LRRK1: variants seen among roughly 807,000 people sequenced by gnomAD.
The protein encoded by LRRK1 is leucine rich repeat kinase 1.
LRRK1 carries 113 observed loss-of-function variants against 209.1 expected under a neutral mutation model. The observed-to-expected ratio is 0.54, with a 90% CI of 0.46 to 0.63. The LOEUF (loss-of-function observed/expected upper bound fraction) is 0.63. Among genes scored for constraint, LRRK1 ranks in the 30% least tolerant of loss-of-function variants. The pLI, the probability that LRRK1 is intolerant of heterozygous loss-of-function variation, is 0.00. For synonymous variants in LRRK1, 1,144 were observed against 1,099.7 expected, an observed-to-expected ratio of 1.04 and a Z score of -0.80; for missense variants, 2,284 against 2,632.2, an observed-to-expected ratio of 0.87 and a Z score of 2.89.
Position 101,014,357 on chromosome 15 carries a change from A to T in LRRK1, c.1461A>T (p.Ala487=). The part of the protein sequence containing the change: ...FLRLQGNQLA[A]LPPQEKWTCR... Reference sequence around the variant, plus strand: ...GGTTACAGGGGAACCAGCTGGCGGCACTTCCACCTCAAGAGAAGTGGACCT... The same window carrying T: ...GGTTACAGGGGAACCAGCTGGCGGCTCTTCCACCTCAAGAGAAGTGGACCT... The change falls in exon 11 of 34, where the codon GCA becomes GCT. Residue 487 remains alanine, a synonymous_variant. Transcript: ENST00000388948. 1.2e-6 allele frequency: 2 copies of T among 1,613,924 alleles called. No individual in the cohort carries two copies. Among genetic ancestry groups the T allele is most frequent in the Non-Finnish European group, 1.7e-6 (2 of 1,179,958 alleles).
Position 100,973,823 on chromosome 15 carries a change from C to T in LRRK1, c.117C>T (p.Gly39=), listed in dbSNP as rs765643052. The T allele has an allele frequency of 9.3e-6, 12 of 1,291,486 alleles. No individual in the cohort carries two copies. The highest frequency in any genetic ancestry group is 4.1e-5 in the Admixed American group (1 of 24,294). The allele number at this position is 1,291,486 out of a possible 1,614,324, so 80.0% of individuals were successfully genotyped here. A position where few individuals can be genotyped will look rare whatever the true frequency, so the allele number is the denominator to read the frequency against. ...ETLNGAGDTG[G]KPSTRGGDPA... ...GCGCAGGTGCCGGGGACACGGGCGGCAAGCCGTCCACGCGGGGCGGTGACC... is the reference window on the plus strand; with the variant it reads ...GCGCAGGTGCCGGGGACACGGGCGGTAAGCCGTCCACGCGGGGCGGTGACC... Residue 39 remains glycine, a synonymous_variant, in exon 3 of 34, where the codon GGC becomes GGT. Transcript: ENST00000388948.
chr15:100,981,280 A>T (rs1017446801), intron 3 of LRRK1, among the ~76,000 whole-genome samples: 1 of 152,096 alleles, frequency 6.6e-6, no homozygotes, highest in African/African-American at 2.4e-5. Context: ...CCTCTAACCG[A>T]CCGAGTCTAG....
At position 101,038,913 on chromosome 15, in the gene LRRK1, C is replaced by A. The variant is rs1266573617; in HGVS notation, c.2964-7068C>A. On this transcript the variant is annotated intron_variant, in intron 20 of 33. Transcript: ENST00000388948. ...CTTGTGGCTGCACTTAAGGTCCACCCAGATAATGTGGGATCTTTCCCCCAT... is the reference window on the plus strand; with the variant it reads ...CTTGTGGCTGCACTTAAGGTCCACCAAGATAATGTGGGATCTTTCCCCCAT... Among the ~76,000 whole-genome samples, 3 of 152,286 alleles carry A rather than the reference C, an allele frequency of 2.0e-5. No individual in the cohort carries two copies. In the East Asian group the frequency reaches 5.8e-4, roughly 29 times the overall value.
At chr15:100,929,881 C>A (rs1199471771) in intron 2 of LRRK1, among the ~76,000 whole-genome samples, 1 of 152,212 alleles carries the variant, frequency 6.6e-6, no homozygotes. Context: ...TGATTGGTGG[C>A]CCAGGTGGCA....
intron 2 of LRRK1, among the ~76,000 whole-genome samples, chr15:100,928,597 A>G (rs1264423122): frequency 6.6e-6 from 1 of 152,226 alleles, no homozygotes; most frequent in East Asian, 1.9e-4. Flanking sequence ...ATTGAAAACG[A>G]CGACGTTCTT....
At chr15:100,922,544 G>T (rs2042037994) in intron 1 of LRRK1, among the ~76,000 whole-genome samples, 1 of 152,132 alleles carries the variant, frequency 6.6e-6, no homozygotes, top group Non-Finnish European at 1.5e-5. Context: ...GTTATGTGCG[G>T]TAGCTGTTTT....
In LRRK1 at chr15:100,973,981, T is replaced by G. The variant is rs2031136528; in HGVS notation, c.261+14T>G. On this transcript the variant is annotated intron_variant, in intron 3 of 33. Coordinates refer to ENST00000388948, the MANE Select transcript of LRRK1 (RefSeq NM_024652.6). ...CAGCTGGAAAAGGTAGGGGAGCGCC[T>G]GCCCCTGCGGCCACCCATGCAGCCC... 2 of 1,245,598 alleles carry G rather than the reference T, an allele frequency of 1.6e-6. No homozygotes were observed. The highest frequency in any genetic ancestry group is 2.0e-6 in the Non-Finnish European group (2 of 989,400). The allele number at this position is 1,245,598 out of a possible 1,614,324, so 77.2% of individuals were successfully genotyped here. A position where few individuals can be genotyped will look rare whatever the true frequency, so the allele number is the denominator to read the frequency against.
chr15:101,053,612 C>G (rs2035613828), intron 26 of LRRK1, among the ~76,000 whole-genome samples, 192 bp downstream of exon 26: 1 of 152,290 alleles, frequency 6.6e-6, no homozygotes, highest in African/African-American at 2.4e-5. Context: ...AGAGCCTTGG[C>G]GAGGACGGGG....
Position 101,027,156 on chromosome 15 carries a change from C to G in LRRK1, c.2406-105C>G, listed in dbSNP as rs902530684. On this transcript the variant is annotated intron_variant, in intron 17 of 33. Coordinates refer to ENST00000388948, the MANE Select transcript of LRRK1 (RefSeq NM_024652.6). The surrounding 1 kb of genome is among the most constrained non-coding windows in gnomAD (Gnocchi z 5.1). Reference sequence around the variant, plus strand: ...TCTTGTGTTGTCTTTCACGAGTTCTCCAGACTTGCCAGCGTTCAGGACAAA... The same window carrying G: ...TCTTGTGTTGTCTTTCACGAGTTCTGCAGACTTGCCAGCGTTCAGGACAAA... The G allele has an allele frequency of 4.2e-6, 6 of 1,439,804 alleles. No individual in the cohort carries two copies. In the African/African-American group the frequency reaches 7.1e-5, roughly 17 times the overall value. The allele number at this position is 1,439,804 out of a possible 1,614,324, so 89.2% of individuals were successfully genotyped here.
intron 12 of LRRK1, among the ~76,000 whole-genome samples, chr15:101,019,157 A>G (rs1199631856): frequency 1.3e-5 from 2 of 152,158 alleles, no homozygotes; most frequent in African/African-American, 4.8e-5. Flanking sequence ...GGTCTGTTAC[A>G]GGTGTTGCCT....
Position 101,029,216 on chromosome 15 carries a change from C to T in LRRK1, c.2947C>T (p.Pro983Ser). ...CCTGGCCAAGTTTGAGATCGCCCTG[C>T]CCGTCGCCAATGACAGGTGAGGACA... The part of the protein sequence containing the change: ...QFLAKFEIAL[P>S]VANDSYLLPH... Residue 983 changes from proline (P) to serine (S), a missense_variant, in exon 20 of 34, where the codon CCC becomes TCC. Transcript: ENST00000388948. 6.2e-7 allele frequency: 1 copy of T among 1,611,954 alleles called. No individual in the cohort carries two copies.
In LRRK1 at chr15:101,077,303, C is replaced by G. The variant is rs1271145011; in HGVS notation, c.*8455C>G. 1 of 152,214 alleles carries G rather than the reference C, an allele frequency of 6.6e-6. No individual in the cohort carries two copies. The highest frequency in any genetic ancestry group is 2.4e-5 in the African/African-American group (1 of 41,436). The allele number at this position is 152,214 out of a possible 1,614,324, so 9.4% of individuals were successfully genotyped here. A position where few individuals can be genotyped will look rare whatever the true frequency, so the allele number is the denominator to read the frequency against. On this transcript the variant is annotated 3_prime_UTR_variant, in exon 34 of 34. Coordinates refer to ENST00000388948, the MANE Select transcript of LRRK1 (RefSeq NM_024652.6). ...CCCTACTATCTTCTGTCTAGTCGTA[C>G]TCCTATTCACCATTCTCAACTACTC... is the stretch of plus-strand genomic sequence containing the variant.
intron 7 of LRRK1, 82 bp from the exon 8 acceptor site, chr15:101,010,368 C>T (rs1376286604): frequency 1.3e-6 from 2 of 1,489,642 alleles, no homozygotes; most frequent in Admixed American, 2.2e-5. Context: ...AAAAAATACA[C>T]CTCTTGGTTT....
chr15:101,074,191 C>G lies in LRRK1; in HGVS notation c.*5343C>G, dbSNP rs12906872. ...TTTCTAATCTTTTCTATAGACCCAT[C>G]TGACCTCTCCCCTCCTCCCCAGGCT... On this transcript the variant is annotated 3_prime_UTR_variant, in exon 34 of 34. Coordinates refer to ENST00000388948, the MANE Select transcript of LRRK1 (RefSeq NM_024652.6). 6.6e-6 allele frequency: 1 copy of G among 152,174 alleles called. No individual in the cohort carries two copies. Among genetic ancestry groups the G allele is most frequent in the African/African-American group, 2.4e-5 (1 of 41,432 alleles). The allele number at this position is 152,174 out of a possible 1,614,324, so 9.4% of individuals were successfully genotyped here. A position where few individuals can be genotyped will look rare whatever the true frequency, so the allele number is the denominator to read the frequency against.
intron 21 of LRRK1, among the ~76,000 whole-genome samples, chr15:101,048,247 A>C (rs1032242449): frequency 5.3e-5 from 8 of 152,204 alleles, no homozygotes; most frequent in Non-Finnish European, 1.0e-4. Context: ...TCAGAAAGGG[A>C]AAAAAATTTT....
In LRRK1 at chr15:100,978,130, G is replaced by C. The variant is rs2031399664; in HGVS notation, c.261+4163G>C. Reference sequence around the variant, plus strand: ...TGAATGGGCTCAACTGTAGAATGGAGAAGAGAGGACAGGGGAAAGAATCAG... The same window carrying C: ...TGAATGGGCTCAACTGTAGAATGGACAAGAGAGGACAGGGGAAAGAATCAG... On this transcript the variant is annotated intron_variant, in intron 3 of 33. Transcript: ENST00000388948. Among the ~76,000 whole-genome samples the C allele has an allele frequency of 2.0e-5, 3 of 152,082 alleles. No homozygotes were observed. The South Asian group carries it at 6.2e-4, about 31-fold the overall frequency.
intron 2 of LRRK1, among the ~76,000 whole-genome samples, chr15:100,961,905 G>A (rs546906176): frequency 2.8e-4 from 42 of 152,234 alleles, no homozygotes; most frequent in African/African-American, 9.9e-4. Flanking sequence ...CTCAATAAAT[G>A]GCACCAATGA....
chr15:100,956,876 A>G (rs1382585480), intron 2 of LRRK1, among the ~76,000 whole-genome samples: 1 of 152,158 alleles, frequency 6.6e-6, no homozygotes, highest in Non-Finnish European at 1.5e-5. Flanking sequence ...CTTAAAGTGT[A>G]AAGTTAGTTT....
intron 6 of LRRK1, 128 bp downstream of exon 6, chr15:100,989,526 C>T (rs2032047229): frequency 1.0e-6 from 1 of 975,664 alleles, no homozygotes; most frequent in African/African-American, 1.6e-5. Flanking sequence ...TTGAGAAGTC[C>T]AAGAGCATAG....
Sources: allele counts gnomAD v4.1 joint callset (sites outside exome capture counted in the v4.1 genomes callset), GRCh38; gene constraint gnomAD v4.1.1; non-coding constraint Gnocchi (gnomAD v3.1); transcripts MANE v1.5; gene names NCBI Gene and HGNC (gene_info 2026-07-23, HGNC 2026-07-21).